Variants in GALNT17 observed in about 807,000 individuals in gnomAD.
GALNT17 encodes polypeptide N-acetylgalactosaminyltransferase 17.
In GALNT17, 29 loss-of-function variants were observed where a neutral mutation model predicts 63.7. The observed-to-expected ratio is 0.46, with a 90% CI of 0.34 to 0.62. The LOEUF is 0.62. GALNT17 is among the 20% of genes least tolerant of loss of function. GALNT17 has a pLI of 0.01. For missense variants in GALNT17, 603 were observed against 799.6 expected (o/e 0.75, Z 2.97); for synonymous variants, 305 against 318.3 (o/e 0.96, Z 0.45).
intron 5 of GALNT17, among the ~76,000 whole-genome samples, chr7:71,551,772 AAGAGAGAGAG>A (rs10557937): frequency 9.0e-6 from 1 of 111,094 alleles, no homozygotes; most frequent in African/African-American, 2.8e-5. Context: ...AAAAAAAAAA[AAGAGAGAGAG>A]AGAGAGCGGG....
At chr7:71,180,279 C>G (rs967058726) in intron 1 of GALNT17, among the ~76,000 whole-genome samples, 2 of 152,076 alleles carry the variant, frequency 1.3e-5, no homozygotes, top group Non-Finnish European at 2.9e-5. Context: ...GTGCATGCCG[C>G]CACACCTGGC....
At chr7:71,355,239 T>A (rs1289463884) in intron 2 of GALNT17, among the ~76,000 whole-genome samples, 1 of 152,194 alleles carries the variant, frequency 6.6e-6, no homozygotes, top group Admixed American at 6.5e-5. Context: ...TCTTTTGACT[T>A]ACTTTGTTGT....
chr7:71,392,061 C>T (rs1281747774), intron 3 of GALNT17, among the ~76,000 whole-genome samples: 2 of 152,138 alleles, frequency 1.3e-5, no homozygotes, highest in Non-Finnish European at 2.9e-5. Flanking sequence ...ACATTTCCCA[C>T]CAGGCCTCAC....
chr7:71,419,638 T>A (rs1394118238), intron 4 of GALNT17, among the ~76,000 whole-genome samples: 1 of 151,656 alleles, frequency 6.6e-6, no homozygotes. Context: ...GAGAGAGGTG[T>A]GGGAGGTGGT....
chr7:71,420,246 CCT>C (rs1207057402), intron 4 of GALNT17, among the ~76,000 whole-genome samples: 1 of 152,188 alleles, frequency 6.6e-6, no homozygotes, highest in African/African-American at 2.4e-5. Flanking sequence ...CCTGCTGCAG[CCT>C]CGAGCTGGGG....
intron 1 of GALNT17, among the ~76,000 whole-genome samples, chr7:71,292,752 A>G (rs1434126407): frequency 6.6e-6 from 1 of 151,108 alleles, no homozygotes; most frequent in Non-Finnish European, 1.5e-5. Context: ...AAATTACAGT[A>G]TACAATACAG....
intron 3 of GALNT17, among the ~76,000 whole-genome samples, chr7:71,391,432 T>G (rs1356401478): frequency 6.6e-6 from 1 of 152,152 alleles, no homozygotes; most frequent in African/African-American, 2.4e-5. Context: ...TAGTCCCTTT[T>G]GTGTTGCTAT....
intron 2 of GALNT17, among the ~76,000 whole-genome samples, chr7:71,367,935 G>A (rs1258151922): frequency 6.6e-6 from 1 of 151,738 alleles, no homozygotes; most frequent in African/African-American, 2.4e-5. Context: ...GAACTAGCAG[G>A]TCACCAGCCA....
intron 5 of GALNT17, among the ~76,000 whole-genome samples, chr7:71,517,859 A>G (rs1235534218): frequency 6.6e-6 from 1 of 152,194 alleles, no homozygotes; most frequent in Non-Finnish European, 1.5e-5. Flanking sequence ...CTGTGATGAA[A>G]GTTATGCAGA....
chr7:71,430,429 A>C (rs1786840497), intron 5 of GALNT17, among the ~76,000 whole-genome samples: 1 of 152,156 alleles, frequency 6.6e-6, no homozygotes, highest in Non-Finnish European at 1.5e-5. Context: ...TGAGACTTTC[A>C]CCATGAGAGG....
intron 1 of GALNT17, among the ~76,000 whole-genome samples, chr7:71,321,970 G>C (rs1583860123): frequency 3.6e-5 from 1 of 27,816 alleles, no homozygotes; most frequent in Admixed American, 5.6e-4. Flanking sequence ...CCTTTTTTTT[G>C]AGACAGAGTT....
intron 1 of GALNT17, among the ~76,000 whole-genome samples, chr7:71,244,127 C>G (rs1334850174): frequency 1.3e-5 from 2 of 152,314 alleles, no homozygotes; most frequent in African/African-American, 4.8e-5. Flanking sequence ...ACTGCTCCAG[C>G]ATCCGCCTGC....
chr7:71,635,552 T>C (rs565727240), intron 6 of GALNT17, among the ~76,000 whole-genome samples: 17 of 152,308 alleles, frequency 1.1e-4, no homozygotes, highest in South Asian at 8.3e-4. Flanking sequence ...GAAATTTTGT[T>C]ACCTGCATAG....
At chr7:71,583,852 C>T (rs752597577) in intron 6 of GALNT17, among the ~76,000 whole-genome samples, 8 of 151,956 alleles carry the variant, frequency 5.3e-5, no homozygotes, top group Non-Finnish European at 8.8e-5. Flanking sequence ...TGGCTGGGCG[C>T]GGTGGCTCAC....
chr7:71,583,624 G>A lies in GALNT17; in HGVS notation c.1080+12222G>A, dbSNP rs1478607172. 5.3e-5 allele frequency among the ~76,000 whole-genome samples: 8 copies of A among 152,076 alleles called. 1 individual carries two copies. ...AGATTCCCTGGCATTAGATAGCAGG[G>A]CCATTTTGCTATCTTTATTAAAATG... On this transcript the variant is annotated intron_variant, in intron 6 of 10. Coordinates refer to ENST00000333538, the MANE Select transcript of GALNT17 (RefSeq NM_022479.3).
rs1469235880 is a variant in GALNT17, at chr7:71,603,859, CACTGTGCTAAGTGCATACACCAGGT to C, written c.1080+32477_1080+32501del. On this transcript the variant is annotated intron_variant, in intron 6 of 10. Coordinates refer to ENST00000333538, the MANE Select transcript of GALNT17 (RefSeq NM_022479.3). ...TACTATGCTAAGTGCATACACCAGG[CACTGTGCTAAGTGCATACACCAGGT>C]ACTGTGCTAAGTGCATACAGTGGAT... Among the ~76,000 whole-genome samples the C allele has an allele frequency of 1.1e-3, 141 of 126,358 alleles. No individual in the cohort carries two copies. In the South Asian group the frequency reaches 0.016, roughly 14 times the overall value. 82.9% of individuals were successfully genotyped at this position (126,358 alleles called of 152,430 possible).
At chr7:71,513,050 T>C (rs1788386868) in intron 5 of GALNT17, among the ~76,000 whole-genome samples, 1 of 152,212 alleles carries the variant, frequency 6.6e-6, no homozygotes, top group Admixed American at 6.5e-5. Flanking sequence ...CTTTTCTGTG[T>C]TCTCGGGTTG....
chr7:71,256,579 T>C (rs1400934469), intron 1 of GALNT17, among the ~76,000 whole-genome samples: 1 of 151,772 alleles, frequency 6.6e-6, no homozygotes, highest in Admixed American at 6.6e-5. Context: ...CTCAAAAAAA[T>C]AAAAACCAAA....
intron 5 of GALNT17, among the ~76,000 whole-genome samples, chr7:71,534,977 T>G (rs1298825162): frequency 6.6e-6 from 1 of 152,180 alleles, no homozygotes; most frequent in Non-Finnish European, 1.5e-5. Context: ...TTCTGGGAGT[T>G]TCAGGGTCTT....
Sources: gnomAD v4.1 joint callset for allele counts (sites outside exome capture counted in the v4.1 genomes callset) on GRCh38, gnomAD v4.1.1 for gene constraint, MANE v1.5 for transcripts, NCBI Gene and HGNC (gene_info 2026-07-23, HGNC 2026-07-21) for gene names.